MSRB3: variants seen among roughly 807,000 people sequenced by gnomAD.
MSRB3 encodes methionine sulfoxide reductase B3, also known as methionine-R-sulfoxide reductase B3.
MSRB3 carries 13 observed loss-of-function variants against 21.0 expected under a neutral mutation model. The observed-to-expected ratio is 0.62, with a 90% CI of 0.40 to 0.98. The LOEUF (loss-of-function observed/expected upper bound fraction) is 0.98, where lower values mean the gene tolerates loss of function less well. Among genes scored for constraint, MSRB3 ranks in the 50% least tolerant of loss-of-function variants. The probability of loss-of-function intolerance (pLI) is 0.00; values close to 1 mark genes in which losing one functional copy is unlikely to be tolerated. For missense variants in MSRB3, 199 were observed against 230.3 expected, an observed-to-expected ratio of 0.86 and a Z score of 0.88; for synonymous variants, 87 against 88.6, an observed-to-expected ratio of 0.98 and a Z score of 0.10.
intron 1 of MSRB3, among the ~76,000 whole-genome samples, chr12:65,307,417 TG>T (rs1341477696): frequency 6.6e-6 from 1 of 152,222 alleles, no homozygotes; most frequent in Non-Finnish European, 1.5e-5. Flanking sequence ...ATTATATGTT[TG>T]TTCTTCAAGG....
intron 5 of MSRB3, among the ~76,000 whole-genome samples, chr12:65,418,314 A>G (rs76946263): frequency 6.6e-6 from 1 of 152,138 alleles, no homozygotes; most frequent in Admixed American, 6.5e-5. Context: ...GAAGTTATCT[A>G]TCAAGTCCTT....
chr12:65,302,364 A>G (rs1356771749), intron 1 of MSRB3, among the ~76,000 whole-genome samples: 1 of 152,158 alleles, frequency 6.6e-6, no homozygotes, highest in Non-Finnish European at 1.5e-5. Flanking sequence ...AGCTGGAAGC[A>G]ATTCTCTTTC....
rs907510677 is a variant in MSRB3 at position 65,465,889 on chromosome 12, G to A, written c.*2567G>A. ...CCACGTTGGGGTGGCCAAAGAAATA[G>A]GTCTCTCAGGGCTTTGCCACAGCCT... On this transcript the variant is annotated 3_prime_UTR_variant, in exon 7 of 7. Coordinates refer to ENST00000308259, the MANE Select transcript of MSRB3 (RefSeq NM_001031679.3). 6.6e-6 allele frequency: 1 copy of A among 152,240 alleles called. No individual in the cohort carries two copies. Among genetic ancestry groups the A allele is most frequent in the African/African-American group, 2.4e-5 (1 of 41,426 alleles). The allele number at this position is 152,240 out of a possible 1,614,324, so 9.4% of individuals were successfully genotyped here.
At chr12:65,306,781 T>C in intron 1 of MSRB3, 1 of 887,310 alleles carries the variant, frequency 1.1e-6, no homozygotes, top group Non-Finnish European at 1.4e-6. Context: ...CACACAGTCA[T>C]ATCATGCTGG....
intron 5 of MSRB3, among the ~76,000 whole-genome samples, chr12:65,438,594 C>T (rs1453201507): frequency 6.6e-6 from 1 of 151,796 alleles, no homozygotes; most frequent in Non-Finnish European, 1.5e-5. Flanking sequence ...CATCTGCAAT[C>T]CTGGAAAATA....
chr12:65,290,831 G>A (rs1009850115), intron 1 of MSRB3, among the ~76,000 whole-genome samples: 1 of 152,080 alleles, frequency 6.6e-6, no homozygotes. Context: ...GTTAAGTAAT[G>A]AATATTTTAA....
intron 5 of MSRB3, among the ~76,000 whole-genome samples, chr12:65,387,037 G>A (rs1266907210): frequency 1.3e-5 from 2 of 151,896 alleles, no homozygotes; most frequent in Non-Finnish European, 2.9e-5. Flanking sequence ...GTTTATTTAT[G>A]TAAGGCTATT....
In MSRB3 at chr12:65,466,273, A is replaced by C. The variant is rs1169306130; in HGVS notation, c.*2951A>C. The C allele has an allele frequency of 6.6e-6, 1 of 152,192 alleles. No homozygotes were observed. Among genetic ancestry groups the C allele is most frequent in the Non-Finnish European group, 1.5e-5 (1 of 68,032 alleles). The allele number at this position is 152,192 out of a possible 1,614,324, so 9.4% of individuals were successfully genotyped here. On this transcript the variant is annotated 3_prime_UTR_variant, in exon 7 of 7. Transcript: ENST00000308259. Reference sequence around the variant, plus strand: ...TTAATTCCAGATTGCTTTTGGGTTTAAGTGGTATCAAATTTCAGTATATTT... The same window carrying C: ...TTAATTCCAGATTGCTTTTGGGTTTCAGTGGTATCAAATTTCAGTATATTT...
chr12:65,297,786 G>A (rs560199514), intron 1 of MSRB3, among the ~76,000 whole-genome samples: 1 of 152,226 alleles, frequency 6.6e-6, no homozygotes, highest in East Asian at 1.9e-4. Flanking sequence ...TTGCAGTAGT[G>A]TGGAGGGTGA....
rs112008904 is a variant in MSRB3, at chr12:65,362,935, A to G, written c.264-6063A>G. Among the ~76,000 whole-genome samples, 1,461 of 152,322 alleles carry G rather than the reference A, an allele frequency of 9.6e-3. 12 individuals are homozygous for G. Among genetic ancestry groups the G allele is most frequent in the Non-Finnish European group, 0.015 (1,042 of 68,028 alleles). On this transcript the variant is annotated intron_variant, in intron 4 of 6. Transcript: ENST00000308259. ...AATTGGTAGACCTTGTAGGTCTACA[A>G]GTAGGATGCTGAAATACTGGAATTT...
intron 5 of MSRB3, among the ~76,000 whole-genome samples, chr12:65,394,875 G>A (rs12816912): frequency 0.22 from 34,192 of 152,048 alleles, 4,899 homozygotes; most frequent in Non-Finnish European, 0.3. Flanking sequence ...AATCTTTCAT[G>A]ATAAACACAC....
chr12:65,329,265 T>TAA (rs1875253477), intron 4 of MSRB3, among the ~76,000 whole-genome samples: 1 of 152,092 alleles, frequency 6.6e-6, no homozygotes. Flanking sequence ...ACCAAAAACT[T>TAA]ATTTATCTAG....
chr12:65,307,980 G>T (rs764719269), intron 1 of MSRB3, among the ~76,000 whole-genome samples: 2 of 152,152 alleles, frequency 1.3e-5, no homozygotes, highest in African/African-American at 4.8e-5. Context: ...CTTCTCCAGG[G>T]AGGGAGATTT....
intron 5 of MSRB3, among the ~76,000 whole-genome samples, chr12:65,428,332 A>G (rs1346737860): frequency 6.6e-6 from 1 of 151,220 alleles, no homozygotes; most frequent in Non-Finnish European, 1.5e-5. Context: ...GCTCCACTGT[A>G]TTGTTGCAAA....
chr12:65,380,229 A>G (rs1286590345), intron 5 of MSRB3, among the ~76,000 whole-genome samples: 1 of 152,186 alleles, frequency 6.6e-6, no homozygotes, highest in Non-Finnish European at 1.5e-5. Flanking sequence ...ACAGAGACGT[A>G]ATTGCTAAAT....
intron 4 of MSRB3, among the ~76,000 whole-genome samples, chr12:65,332,036 A>C (rs1200355825): frequency 2.0e-5 from 3 of 152,210 alleles, no homozygotes; most frequent in Non-Finnish European, 2.9e-5. Flanking sequence ...GTTAGACCTC[A>C]TGCTGGCTGA....
chr12:65,425,879 T>C (rs1391132611), intron 5 of MSRB3, among the ~76,000 whole-genome samples: 1 of 152,106 alleles, frequency 6.6e-6, no homozygotes, highest in Non-Finnish European at 1.5e-5. Context: ...TTTTTTGAGA[T>C]GGAGTCTTGC....
At chr12:65,316,871 A>G (rs1310601890) in intron 2 of MSRB3, among the ~76,000 whole-genome samples, 1 of 152,132 alleles carries the variant, frequency 6.6e-6, no homozygotes, top group Admixed American at 6.6e-5. Context: ...ATTTCAAGCA[A>G]TGACAGTTCT....
intron 5 of MSRB3, among the ~76,000 whole-genome samples, chr12:65,410,499 C>T (rs1331639999): frequency 6.6e-6 from 1 of 152,036 alleles, no homozygotes; most frequent in Non-Finnish European, 1.5e-5. Flanking sequence ...AAAAAATTAG[C>T]TGAGTGTCGT....
Sources: gnomAD v4.1 joint callset for allele counts (sites outside exome capture counted in the v4.1 genomes callset) on GRCh38, gnomAD v4.1.1 for gene constraint, MANE v1.5 for transcripts, NCBI Gene and HGNC (gene_info 2026-07-23, HGNC 2026-07-21) for gene names.